Variants in TEX11 observed in about 807,000 individuals in gnomAD.
TEX11 encodes the protein testis expressed 11.
TEX11 carries 7 observed loss-of-function variants against 84.4 expected under a neutral mutation model. That is an observed-to-expected ratio of 0.08 (90% CI 0.05 to 0.16). TEX11 has a LOEUF of 0.16. Ranked by LOEUF, TEX11 falls within the 10% of genes least tolerant of loss-of-function variation. The pLI is 1.00. For synonymous variants in TEX11, 264 were observed against 222.8 expected, an observed-to-expected ratio of 1.18 and a Z score of -1.64; for missense variants, 551 against 660.5, an observed-to-expected ratio of 0.83 and a Z score of 1.82.
chrX:70,737,984 A>C (rs1168335497), intron 11 of TEX11, among the ~76,000 whole-genome samples: 1 of 111,811 alleles, frequency 8.9e-6, no homozygotes, highest in Non-Finnish European at 1.9e-5. Context: ...GTAAAACCAA[A>C]ACAATAAAAA....
chrX:70,640,169 G>A (rs1185359863), intron 17 of TEX11, among the ~76,000 whole-genome samples: 6 of 109,867 alleles, frequency 5.5e-5, no homozygotes, highest in Non-Finnish European at 1.1e-4. Context: ...AAGGGTATCA[G>A]CAATGGAAGA....
At chrX:70,610,646 T>C in intron 20 of TEX11, 103 bp from the exon 21 acceptor site, 2 of 816,638 alleles carry the variant, frequency 2.4e-6, no homozygotes, top group Non-Finnish European at 1.8e-6. Flanking sequence ...ACTAAGAAAA[T>C]GCAAAATTGT....
At chrX:70,611,679 G>A (rs1337198042) in intron 20 of TEX11, among the ~76,000 whole-genome samples, 1 of 111,315 alleles carries the variant, frequency 9.0e-6, no homozygotes, top group Admixed American at 9.5e-5. Flanking sequence ...CTGACCTTCT[G>A]GGGTATATCA....
At chrX:70,772,979 T>C (rs1879418324) in intron 9 of TEX11, among the ~76,000 whole-genome samples, 1 of 109,828 alleles carries the variant, frequency 9.1e-6, no homozygotes, top group East Asian at 2.9e-4. Context: ...GAAGAAAGCC[T>C]ATGGAATTTA....
chrX:70,845,251 T>C (rs1370998705), intron 7 of TEX11, among the ~76,000 whole-genome samples: 1 of 110,637 alleles, frequency 9.0e-6, no homozygotes, highest in African/African-American at 3.3e-5. Flanking sequence ...AACCTCTGTC[T>C]CCCGAATTCA....
At chrX:70,792,782 G>A (rs1202441492) in intron 9 of TEX11, among the ~76,000 whole-genome samples, 1 of 110,431 alleles carries the variant, frequency 9.1e-6, no homozygotes. Context: ...CAATCCTACT[G>A]AAAATATTCC....
Position 70,651,485 on chromosome X carries a change from A to C in TEX11, c.1448T>G (p.Phe483Cys), listed in dbSNP as rs2089810353. ...GTTGCCCTCTATGACTGCAATCTTG[A>C]ATATATAAAATTGAGTGAAAACGTT... ...PRNVFTQFYI[F>C]KIAVIEGNSE... The change falls in exon 17 of 30, where the codon TTC becomes TGC. Residue 483 changes from phenylalanine to cysteine, a missense_variant. Transcript: ENST00000374333. The C allele has an allele frequency of 1.7e-6, 2 of 1,205,379 alleles. No homozygotes were observed. The highest frequency in any genetic ancestry group is 2.2e-5 in the Admixed American group (1 of 45,474).
At chrX:70,598,675 A>G (rs990651700) in intron 24 of TEX11, among the ~76,000 whole-genome samples, 1 of 112,540 alleles carries the variant, frequency 8.9e-6, no homozygotes, top group African/African-American at 3.2e-5. Context: ...AATGGAATAT[A>G]ATTCAGCCAT....
At chrX:70,908,382 T>C (rs1456994009) in intron 1 of TEX11, among the ~76,000 whole-genome samples, 1 of 108,137 alleles carries the variant, frequency 9.2e-6, no homozygotes, top group Non-Finnish European at 1.9e-5. Context: ...TTAGGTCCTT[T>C]AGCATCTAAA....
chrX:70,534,911 T>C (rs2087936551), intron 28 of TEX11, among the ~76,000 whole-genome samples: 1 of 111,785 alleles, frequency 8.9e-6, no homozygotes. Context: ...GGAAAGCCCA[T>C]GCCCATTGGC....
At chrX:70,544,836 C>CAAAAA (rs140403649) in intron 28 of TEX11, among the ~76,000 whole-genome samples, 2 of 26,363 alleles carry the variant, frequency 7.6e-5, no homozygotes, top group African/African-American at 1.1e-4. Flanking sequence ...GACTCCATCT[C>CAAAAA]AAAAAAAAAA....
chrX:70,644,772 T>G (rs2089717934), intron 17 of TEX11, among the ~76,000 whole-genome samples: 1 of 50,677 alleles, frequency 2.0e-5, no homozygotes, highest in African/African-American at 8.3e-5. Flanking sequence ...GGGACTGTTG[T>G]GGGGTGGGGG....
intron 2 of TEX11, among the ~76,000 whole-genome samples, chrX:70,898,389 G>C: frequency 9.0e-6 from 1 of 111,485 alleles, no homozygotes. Context: ...ATGAGTTAGA[G>C]ATTTCCAGGC....
intron 2 of TEX11, 125 bp from the exon 3 acceptor site, chrX:70,880,234 T>C: frequency 2.4e-6 from 1 of 414,522 alleles, no homozygotes; most frequent in Non-Finnish European, 3.7e-6. Flanking sequence ...ACTTGATCCT[T>C]AGAGTAAAAC....
chrX:70,554,362 T>A, intron 26 of TEX11, among the ~76,000 whole-genome samples: 1 of 111,498 alleles, frequency 9.0e-6, no homozygotes, highest in South Asian at 3.8e-4. Flanking sequence ...ACAGAAAAAA[T>A]TTGAGCACCT....
chrX:70,748,892 T>C (rs1453077236), intron 9 of TEX11, among the ~76,000 whole-genome samples: 1 of 102,763 alleles, frequency 9.7e-6, no homozygotes, highest in African/African-American at 3.7e-5. Context: ...TAGGATTGAC[T>C]TGGCAATGCG....
chrX:70,735,361 G>C (rs764162875), intron 11 of TEX11, among the ~76,000 whole-genome samples: 1 of 111,722 alleles, frequency 9.0e-6, no homozygotes, highest in East Asian at 2.8e-4. Flanking sequence ...CAGAAAATAT[G>C]ATCTTGTATA....
At position 70,529,158 on chromosome X, in the gene TEX11, T is replaced by C. The variant is rs1431460186; in HGVS notation, c.2715A>G (p.Glu905=). ...CTGGGCCCTTGTTGTTACTCAATGC[T>C]TCCACAAGCTGACTATACAGCATAT... ...QMNMLYSQLV[E]ALSNNKGPVF... is the part of the protein sequence containing the mutation. The change falls in exon 30 of 30, where the codon GAA becomes GAG. Residue 905 remains glutamate (E), a synonymous_variant. Coordinates refer to ENST00000374333, the MANE Select transcript of TEX11 (RefSeq NM_031276.3). The C allele has an allele frequency of 1.1e-5, 13 of 1,208,773 alleles. No individual in the cohort carries two copies. In the East Asian group the frequency reaches 3.8e-4, roughly 36 times the overall value.
At chrX:70,551,145 C>T (rs1350420389) in intron 28 of TEX11, among the ~76,000 whole-genome samples, 1 of 110,816 alleles carries the variant, frequency 9.0e-6, no homozygotes, top group East Asian at 2.8e-4. Context: ...GAAATAAGCC[C>T]AGCACACACA....
Sources: allele counts gnomAD v4.1 joint callset (sites outside exome capture counted in the v4.1 genomes callset), GRCh38; gene constraint gnomAD v4.1.1; transcripts MANE v1.5; gene names NCBI Gene and HGNC (gene_info 2026-07-23, HGNC 2026-07-21).